RIC1: variants seen among roughly 807,000 people sequenced by gnomAD.
The protein encoded by RIC1 is guanine nucleotide exchange factor subunit RIC1.
A neutral mutation model predicts 169.0 loss-of-function variants in RIC1; 88 were observed. The ratio of observed to expected loss-of-function variants is 0.52; its 90% CI spans 0.44 to 0.62. The LOEUF (loss-of-function observed/expected upper bound fraction) is 0.62, where lower values mean the gene tolerates loss of function less well. Among genes scored for constraint, RIC1 ranks in the 20% least tolerant of loss-of-function variants. The pLI is 0.00. For missense variants in RIC1, 1,877 were observed against 1,725.5 expected, an observed-to-expected ratio of 1.09 and a Z score of -1.56; for synonymous variants, 790 against 601.5, an observed-to-expected ratio of 1.31 and a Z score of -4.59.
At chr9:5,670,276 C>A (rs1029335174) in intron 2 of RIC1, among the ~76,000 whole-genome samples, 1 of 152,178 alleles carries the variant, frequency 6.6e-6, no homozygotes, top group African/African-American at 2.4e-5. Flanking sequence ...GCTGATTTTT[C>A]TTTGCTCCAG....
At chr9:5,703,133 G>A (rs556916104) in intron 3 of RIC1, among the ~76,000 whole-genome samples, 5 of 152,242 alleles carry the variant, frequency 3.3e-5, no homozygotes, top group South Asian at 2.1e-4. Context: ...TCAAAAGTCC[G>A]AAGTCTCATC....
At chr9:5,693,600 G>A (rs1246929590) in intron 3 of RIC1, among the ~76,000 whole-genome samples, 4 of 152,078 alleles carry the variant, frequency 2.6e-5, no homozygotes, top group African/African-American at 9.7e-5. Flanking sequence ...AGGTTGTCTG[G>A]ACATTTTATT....
chr9:5,687,890 G>C (rs980359946), intron 2 of RIC1, among the ~76,000 whole-genome samples: 1 of 151,986 alleles, frequency 6.6e-6, no homozygotes, highest in Non-Finnish European at 1.5e-5. Flanking sequence ...TCAATTCACT[G>C]ATTTTGTTTC....
intron 7 of RIC1, among the ~76,000 whole-genome samples, chr9:5,733,468 C>T (rs1824497726): frequency 6.6e-6 from 1 of 151,958 alleles, no homozygotes; most frequent in Non-Finnish European, 1.5e-5. Context: ...GGCATTTCAC[C>T]GTGTTTGGCC....
intron 1 of RIC1, among the ~76,000 whole-genome samples, chr9:5,653,621 G>A (rs547261133): frequency 4.9e-4 from 73 of 149,180 alleles, no homozygotes; most frequent in African/African-American, 1.7e-3. Context: ...TTTTTGAGAC[G>A]GAGTTTCACT....
Position 5,757,440 on chromosome 9 carries a change from A to C in RIC1, c.1981A>C (p.Met661Leu). The C allele has an allele frequency of 6.2e-7, 1 of 1,614,030 alleles. No homozygotes were observed. Among genetic ancestry groups the C allele is most frequent in the South Asian group, 1.1e-5 (1 of 91,078 alleles). Residue 661 changes from methionine to leucine, a missense_variant, in exon 17 of 26, where the codon ATG (methionine) becomes CTG (leucine). Met to Leu is a conservative substitution (Grantham distance 15). Around this residue, in one of 3 missense-constraint regions of RIC1, gnomAD observed 1,104 missense variants for 992.0 expected, o/e 1.11. Transcript: ENST00000414202. ...VSTENGITLK[M>L]PQQARGAESI... The stretch of plus-strand genomic sequence containing the variant: ...TACAGAGAATGGAATCACCTTGAAA[A>C]TGCCACAGCAGGTACCACTCCATTA...
intron 1 of RIC1, among the ~76,000 whole-genome samples, chr9:5,630,108 C>G (rs1370204963): frequency 2.0e-5 from 3 of 152,148 alleles, no homozygotes; most frequent in South Asian, 2.1e-4. Flanking sequence ...CAAATCTGTC[C>G]GCGGAACTCC....
chr9:5,728,397 C>T (rs780512766), intron 6 of RIC1, among the ~76,000 whole-genome samples: 3 of 152,204 alleles, frequency 2.0e-5, no homozygotes, highest in Non-Finnish European at 4.4e-5. Context: ...TGGAAAAGCG[C>T]AGTATTAGGG....
At chr9:5,709,244 G>C (rs1822785656) in intron 3 of RIC1, among the ~76,000 whole-genome samples, 1 of 152,100 alleles carries the variant, frequency 6.6e-6, no homozygotes, top group Admixed American at 6.5e-5. Context: ...CGTCTGTCCA[G>C]ATACGAAAAA....
intron 1 of RIC1, among the ~76,000 whole-genome samples, chr9:5,645,771 A>C (rs558881274): frequency 1.3e-5 from 2 of 152,288 alleles, no homozygotes; most frequent in Admixed American, 6.5e-5. Context: ...GTATATGTAC[A>C]TACTGCATTT....
chr9:5,725,841 T>C (rs1823941195), intron 6 of RIC1, among the ~76,000 whole-genome samples: 1 of 152,214 alleles, frequency 6.6e-6, no homozygotes, highest in African/African-American at 2.4e-5. Flanking sequence ...AGGAGCAGGT[T>C]GTTCAGTTTC....
chr9:5,744,406 A>G (rs1476414119), intron 10 of RIC1, among the ~76,000 whole-genome samples: 1 of 152,170 alleles, frequency 6.6e-6, no homozygotes, highest in African/African-American at 2.4e-5. Flanking sequence ...ATGTATGTCA[A>G]AGAGAATTAT....
At chr9:5,753,366 T>C (rs1825830275) in intron 13 of RIC1, 128 bp downstream of exon 13, 3 of 875,248 alleles carry the variant, frequency 3.4e-6, no homozygotes, top group East Asian at 2.5e-5. Flanking sequence ...ACATTGCTAG[T>C]ATATTAACAT....
At chr9:5,711,606 A>C (rs1451445918) in intron 3 of RIC1, among the ~76,000 whole-genome samples, 1 of 151,474 alleles carries the variant, frequency 6.6e-6, no homozygotes, top group African/African-American at 2.4e-5. Flanking sequence ...TTTAAGTTCT[A>C]GGGTACATGT....
At chr9:5,652,606 C>G (rs1270328018) in intron 1 of RIC1, among the ~76,000 whole-genome samples, 1 of 151,906 alleles carries the variant, frequency 6.6e-6, no homozygotes, top group Non-Finnish European at 1.5e-5. Flanking sequence ...TTGGTGGCAT[C>G]TTTAGGGTTT....
chr9:5,644,718 C>T (rs1305254409), intron 1 of RIC1, among the ~76,000 whole-genome samples: 1 of 152,164 alleles, frequency 6.6e-6, no homozygotes, highest in Non-Finnish European at 1.5e-5. Context: ...GTGAGTAATA[C>T]TGCTGTAAAC....
intron 1 of RIC1, among the ~76,000 whole-genome samples, chr9:5,642,226 C>T (rs2130322461): frequency 6.9e-6 from 1 of 145,124 alleles, no homozygotes; most frequent in East Asian, 1.9e-4. Flanking sequence ...CTGTTACTTT[C>T]TTCCAAACAA....
At chr9:5,715,834 C>G in intron 4 of RIC1, among the ~76,000 whole-genome samples, 1 of 150,710 alleles carries the variant, frequency 6.6e-6, no homozygotes, top group Non-Finnish European at 1.5e-5. Flanking sequence ...ACCTCTCTCC[C>G]CACTCCTCCG....
intron 1 of RIC1, among the ~76,000 whole-genome samples, chr9:5,641,599 G>C (rs1323856652): frequency 3.3e-5 from 5 of 151,716 alleles, no homozygotes; most frequent in Non-Finnish European, 7.4e-5. Context: ...ATGCTTCACT[G>C]TTTTCTATTC....
Sources: allele counts gnomAD v4.1 joint callset (sites outside exome capture counted in the v4.1 genomes callset), GRCh38; gene constraint gnomAD v4.1.1; regional missense constraint gnomAD v4.1.1; transcripts MANE v1.5; gene names NCBI Gene and HGNC (gene_info 2026-07-23, HGNC 2026-07-21).